Variants in ASCC1 observed in about 807,000 individuals in gnomAD.
ASCC1 encodes activating signal cointegrator 1 complex subunit 1.
Under a neutral mutation model 46.6 loss-of-function variants are expected in ASCC1, and 35 were observed. The ratio of observed to expected loss-of-function variants is 0.75; its 90% CI spans 0.57 to 0.99. The LOEUF (loss-of-function observed/expected upper bound fraction) is 0.99, where lower values mean the gene tolerates loss of function less well. Among genes scored for constraint, ASCC1 ranks in the 50% least tolerant of loss-of-function variants. The probability of loss-of-function intolerance (pLI) is 0.00; values close to 1 mark genes in which losing one functional copy is unlikely to be tolerated. For synonymous variants in ASCC1, 143 were observed against 146.6 expected (o/e 0.98, Z 0.18); for missense variants, 376 against 428.7 (o/e 0.88, Z 1.09).
chr10:72,189,071 T>C (rs945409621), intron 5 of ASCC1, among the ~76,000 whole-genome samples: 2 of 151,982 alleles, frequency 1.3e-5, no homozygotes, highest in Non-Finnish European at 2.9e-5. Context: ...TCTCATTTAA[T>C]CCTTCCTACA....
chr10:72,208,817 AG>A (rs1175693716), intron 3 of ASCC1, among the ~76,000 whole-genome samples: 66 of 152,054 alleles, frequency 4.3e-4, no homozygotes, highest in African/African-American at 1.6e-3. Flanking sequence ...ACCAATAAGC[AG>A]GCTATTTTAA....
intron 7 of ASCC1, among the ~76,000 whole-genome samples, chr10:72,149,012 T>C (rs1847960770): frequency 6.6e-6 from 1 of 152,034 alleles, no homozygotes; most frequent in Non-Finnish European, 1.5e-5. Context: ...CATATCACAA[T>C]AGACTGAATG....
chr10:72,100,369 G>A (rs977720576), intron 9 of ASCC1, among the ~76,000 whole-genome samples: 53 of 152,012 alleles, frequency 3.5e-4, no homozygotes, highest in African/African-American at 1.2e-3. Context: ...GGGATTACAG[G>A]CATACACCAC....
chr10:72,125,711 T>G (rs1347323715), intron 9 of ASCC1, among the ~76,000 whole-genome samples: 1 of 152,196 alleles, frequency 6.6e-6, no homozygotes, highest in Non-Finnish European at 1.5e-5. Flanking sequence ...ATTATTTTTC[T>G]GGAACTAGTG....
chr10:72,172,863 A>T (rs1283010740), intron 5 of ASCC1, among the ~76,000 whole-genome samples: 2 of 123,402 alleles, frequency 1.6e-5, no homozygotes, highest in Non-Finnish European at 3.3e-5. Flanking sequence ...TTTTTATATT[A>T]TATATATTAT....
intron 6 of ASCC1, among the ~76,000 whole-genome samples, chr10:72,157,102 C>T (rs376564680): frequency 2.6e-5 from 4 of 152,144 alleles, no homozygotes; most frequent in African/African-American, 7.2e-5. Context: ...CCACTGCGCC[C>T]GGCCCAGATA....
chr10:72,097,918 T>A (rs907989287), intron 9 of ASCC1, among the ~76,000 whole-genome samples: 54 of 152,152 alleles, frequency 3.5e-4, no homozygotes, highest in African/African-American at 1.2e-3. Flanking sequence ...CTGACTAAAA[T>A]AAATAGAAGA....
intron 1 of ASCC1, among the ~76,000 whole-genome samples, chr10:72,213,601 TAA>T (rs762289534): frequency 1.4e-4 from 18 of 128,320 alleles, no homozygotes; most frequent in South Asian, 2.7e-4. Context: ...CATACACTCT[TAA>T]AAAAAAAAAA....
chr10:72,116,017 A>G (rs1843453802), intron 9 of ASCC1, among the ~76,000 whole-genome samples: 2 of 152,216 alleles, frequency 1.3e-5, no homozygotes, highest in African/African-American at 2.4e-5. Context: ...TATCGTAAAC[A>G]TTGCAAAAAG....
chr10:72,115,132 T>C (rs1324796112), intron 9 of ASCC1, among the ~76,000 whole-genome samples: 1 of 152,226 alleles, frequency 6.6e-6, no homozygotes, highest in Non-Finnish European at 1.5e-5. Flanking sequence ...AAGAGTTTAT[T>C]ATATGAAGTA....
intron 5 of ASCC1, chr10:72,190,136 G>A (rs1412470295): frequency 2.6e-6 from 2 of 761,408 alleles, no homozygotes; most frequent in Non-Finnish European, 2.4e-6. Context: ...TAGGATTCAT[G>A]TTCGCTGTGG....
chr10:72,160,626 C>T (rs952083955), intron 6 of ASCC1, among the ~76,000 whole-genome samples: 1 of 151,316 alleles, frequency 6.6e-6, no homozygotes, highest in Non-Finnish European at 1.5e-5. Flanking sequence ...TTTTGGAGGC[C>T]GAAGCAGGAG....
At chr10:72,203,979 T>C (rs936971378) in intron 3 of ASCC1, among the ~76,000 whole-genome samples, 2 of 152,164 alleles carry the variant, frequency 1.3e-5, no homozygotes, top group South Asian at 2.1e-4. Flanking sequence ...CTGGCGGCAG[T>C]GGCTCACGCC....
intron 7 of ASCC1, among the ~76,000 whole-genome samples, chr10:72,138,122 C>T (rs1030545418): frequency 3.3e-5 from 5 of 152,226 alleles, no homozygotes; most frequent in African/African-American, 1.2e-4. Context: ...GCCTTGGCCT[C>T]CCAAAGTGTT....
In ASCC1 at chr10:72,190,573, C is replaced by T. The variant is rs115137370; in HGVS notation, c.489+6238G>A. 3,870 of 1,347,222 alleles carry T rather than the reference C, an allele frequency of 2.9e-3. 102 individuals are homozygous for T. The African/African-American group carries it at 0.051, about 18-fold the overall frequency. 83.5% of individuals were successfully genotyped at this position (1,347,222 alleles called of 1,614,324 possible). A position where few individuals can be genotyped will look rare whatever the true frequency, so the allele number is the denominator to read the frequency against. ...ATACTCTCCAGCTCCACCATTATCG[C>T]TAATATAAGTAAAGTTTGTAAAATT... On this transcript the variant is annotated intron_variant, in intron 5 of 9. Coordinates refer to ENST00000672957, the MANE Select transcript of ASCC1 (RefSeq NM_001198800.3).
chr10:72,189,615 C>G (rs1457982830), intron 5 of ASCC1, among the ~76,000 whole-genome samples: 1 of 151,574 alleles, frequency 6.6e-6, no homozygotes, highest in Non-Finnish European at 1.5e-5. Context: ...CCAGCCTGAC[C>G]AATATGGAGA....
intron 9 of ASCC1, among the ~76,000 whole-genome samples, chr10:72,104,760 C>T (rs1197046352): frequency 6.6e-6 from 1 of 152,034 alleles, no homozygotes; most frequent in Non-Finnish European, 1.5e-5. Flanking sequence ...ACGAACAGTA[C>T]ACAAAACTAC....
At chr10:72,163,444 T>C (rs569589997) in intron 5 of ASCC1, among the ~76,000 whole-genome samples, 2 of 151,870 alleles carry the variant, frequency 1.3e-5, no homozygotes, top group Admixed American at 6.6e-5. Context: ...CAAAAAGGAA[T>C]GAAATTCTGG....
At chr10:72,192,450 G>A (rs1269537638) in intron 5 of ASCC1, among the ~76,000 whole-genome samples, 5 of 134,142 alleles carry the variant, frequency 3.7e-5, no homozygotes, top group South Asian at 2.3e-4. Flanking sequence ...GCGAGACTCC[G>A]TCTCAAAAAA....
Sources: allele counts gnomAD v4.1 joint callset (sites outside exome capture counted in the v4.1 genomes callset), GRCh38; gene constraint gnomAD v4.1.1; transcripts MANE v1.5; gene names NCBI Gene and HGNC (gene_info 2026-07-23, HGNC 2026-07-21).